PALLD: variants seen among roughly 807,000 people sequenced by gnomAD.
The protein encoded by PALLD is palladin.
In PALLD, 61 loss-of-function variants were observed where a neutral mutation model predicts 123.5. The ratio of observed to expected loss-of-function variants is 0.49; its 90% CI spans 0.40 to 0.61. PALLD has a LOEUF of 0.61. Ranked by LOEUF, PALLD falls within the 20% of genes least tolerant of loss-of-function variation. PALLD has a pLI of 0.00. For synonymous variants in PALLD, 465 were observed against 496.4 expected (o/e 0.94, Z 0.84); for missense variants, 1,273 against 1,377.0 (o/e 0.92, Z 1.20).
intron 2 of PALLD, among the ~76,000 whole-genome samples, chr4:168,575,962 T>A (rs1419882050): frequency 6.6e-6 from 1 of 152,156 alleles, no homozygotes; most frequent in African/African-American, 2.4e-5. Context: ...ATATTTTTAA[T>A]GAGGAGCTCC....
At chr4:168,652,690 G>A (rs1389031517) in intron 2 of PALLD, among the ~76,000 whole-genome samples, 5 of 152,184 alleles carry the variant, frequency 3.3e-5, no homozygotes, top group Non-Finnish European at 7.4e-5. Flanking sequence ...GTGAGATGTT[G>A]ATTCAGGTTT....
chr4:168,594,896 G>C (rs914016109), intron 2 of PALLD, among the ~76,000 whole-genome samples: 1 of 152,140 alleles, frequency 6.6e-6, no homozygotes, highest in Admixed American at 6.5e-5. Context: ...GGAATTGTCA[G>C]AGTTGCTATG....
intron 10 of PALLD, among the ~76,000 whole-genome samples, chr4:168,816,389 G>GTATATATATA (rs34216824): frequency 1.6e-4 from 22 of 139,024 alleles, no homozygotes; most frequent in Non-Finnish European, 2.2e-4. Flanking sequence ...GTGTATGTGT[G>GTATATATATA]TATATATATA....
chr4:168,806,662 T>C (rs1740243689), intron 10 of PALLD, among the ~76,000 whole-genome samples: 1 of 152,248 alleles, frequency 6.6e-6, no homozygotes, highest in African/African-American at 2.4e-5. Context: ...ATCAGGCTGC[T>C]ATTCACTTAT....
intron 2 of PALLD, among the ~76,000 whole-genome samples, chr4:168,573,226 A>G (rs2149616137): frequency 6.6e-6 from 1 of 151,724 alleles, no homozygotes; most frequent in Non-Finnish European, 1.5e-5. Context: ...CTCAAAAGTC[A>G]CCATCTCAGG....
intron 2 of PALLD, among the ~76,000 whole-genome samples, chr4:168,621,344 G>A (rs944655581): frequency 6.6e-6 from 1 of 152,148 alleles, no homozygotes; most frequent in African/African-American, 2.4e-5. Context: ...TGTTGCCATT[G>A]TCTTACAAAT....
intron 2 of PALLD, among the ~76,000 whole-genome samples, chr4:168,657,186 T>C (rs1167740332): frequency 6.6e-6 from 1 of 152,190 alleles, no homozygotes; most frequent in African/African-American, 2.4e-5. Context: ...TCCAGTAAGA[T>C]TGAGAATGAT....
chr4:168,867,608 A>G (rs187953402), intron 10 of PALLD, among the ~76,000 whole-genome samples: 1 of 152,322 alleles, frequency 6.6e-6, no homozygotes, highest in Non-Finnish European at 1.5e-5. Flanking sequence ...TGAACACTTT[A>G]GACTATTTGT....
chr4:168,661,909 A>G (rs1779172541), intron 2 of PALLD, among the ~76,000 whole-genome samples: 1 of 152,152 alleles, frequency 6.6e-6, no homozygotes, highest in Admixed American at 6.5e-5. Context: ...ACTTGTGAAA[A>G]TAAAATAAGG....
At chr4:168,725,384 A>G (rs560849939) in intron 10 of PALLD, among the ~76,000 whole-genome samples, 2 of 152,244 alleles carry the variant, frequency 1.3e-5, no homozygotes, top group East Asian at 3.9e-4. Flanking sequence ...TTCTTTGTTA[A>G]AATAGTTCAT....
At chr4:168,794,474 A>ACACACACACATG (rs1581505472) in intron 10 of PALLD, among the ~76,000 whole-genome samples, 1 of 146,776 alleles carries the variant, frequency 6.8e-6, no homozygotes, top group African/African-American at 2.5e-5. Flanking sequence ...ACGTACGTGC[A>ACACACACACATG]CACGCACACA....
At chr4:168,832,298 G>A (rs781419731) in intron 10 of PALLD, 288 of 660,986 alleles carry the variant, frequency 4.4e-4, no homozygotes, top group Non-Finnish European at 5.3e-4. Context: ...GGGAGGACAA[G>A]AGACTCGTCA....
At chr4:168,497,939 A>G (rs1245115396) in intron 1 of PALLD, among the ~76,000 whole-genome samples, 1 of 152,222 alleles carries the variant, frequency 6.6e-6, no homozygotes, top group African/African-American at 2.4e-5. Flanking sequence ...AACATTTGCT[A>G]AAAATACTAA....
intron 10 of PALLD, among the ~76,000 whole-genome samples, chr4:168,730,427 T>G (rs1218419121): frequency 6.6e-6 from 1 of 152,160 alleles, no homozygotes; most frequent in African/African-American, 2.4e-5. Flanking sequence ...TGTCATTTTG[T>G]TTTGTTTTGT....
intron 10 of PALLD, among the ~76,000 whole-genome samples, chr4:168,802,101 A>G (rs1363124271): frequency 2.6e-5 from 4 of 152,244 alleles, no homozygotes; most frequent in South Asian, 4.1e-4. Context: ...AGAGCCTACA[A>G]AATTGGGGAG....
chr4:168,914,749 A>G (rs1196274356), intron 16 of PALLD, among the ~76,000 whole-genome samples: 2 of 152,246 alleles, frequency 1.3e-5, no homozygotes, highest in African/African-American at 4.8e-5. Context: ...TCTAAATTAC[A>G]GGCCATAGGT....
chr4:168,625,107 G>A (rs1775108562), intron 2 of PALLD, among the ~76,000 whole-genome samples: 1 of 151,902 alleles, frequency 6.6e-6, no homozygotes, highest in Non-Finnish European at 1.5e-5. Flanking sequence ...AGAGCAATGA[G>A]AAACGATATT....
At chr4:168,574,314 TTAAG>T (rs1239607668) in intron 2 of PALLD, among the ~76,000 whole-genome samples, 7 of 152,044 alleles carry the variant, frequency 4.6e-5, no homozygotes. Context: ...AAACAAAAAA[TTAAG>T]AAAGAAAGAA....
In PALLD at chr4:168,521,872, AT is replaced by A. The variant is rs755651819; in HGVS notation, c.908+9468del. On this transcript the variant is annotated intron_variant, in intron 2 of 21. Transcript: ENST00000505667. ...TCCCTTGGTCTCTGTATAACATACT[AT>A]TTTTTTTATACATTTTTACCTCACT... 1.7e-3 allele frequency among the ~76,000 whole-genome samples: 261 copies of A among 152,068 alleles called. 1 individual carries two copies. Among genetic ancestry groups the A allele is most frequent in the African/African-American group, 5.9e-3 (244 of 41,508 alleles).
Sources: allele counts gnomAD v4.1 joint callset (sites outside exome capture counted in the v4.1 genomes callset), GRCh38; gene constraint gnomAD v4.1.1; transcripts MANE v1.5; gene names NCBI Gene and HGNC (gene_info 2026-07-23, HGNC 2026-07-21).